Variants in ANKRD44 observed in about 807,000 individuals in gnomAD.
The protein encoded by ANKRD44 is serine/threonine-protein phosphatase 6 regulatory ankyrin repeat subunit B.
Under a neutral mutation model 116.0 loss-of-function variants are expected in ANKRD44, and 35 were observed. The ratio of observed to expected loss-of-function variants is 0.30; its 90% CI spans 0.23 to 0.40. The LOEUF is 0.40. Among genes scored for constraint, ANKRD44 ranks in the 10% least tolerant of loss-of-function variants. ANKRD44 has a pLI of 1.00. For missense variants in ANKRD44, 1,014 were observed against 1,242.6 expected, an observed-to-expected ratio of 0.82 and a Z score of 2.77; for synonymous variants, 435 against 461.8, an observed-to-expected ratio of 0.94 and a Z score of 0.74.
At chr2:197,305,648 C>G (rs961956210) in intron 1 of ANKRD44, among the ~76,000 whole-genome samples, 3 of 151,956 alleles carry the variant, frequency 2.0e-5, no homozygotes, top group African/African-American at 7.2e-5. Context: ...AAAGTTAGTT[C>G]CATTAATCCA....
intron 1 of ANKRD44, among the ~76,000 whole-genome samples, chr2:197,306,778 T>C (rs1324060118): frequency 6.6e-6 from 1 of 152,194 alleles, no homozygotes; most frequent in Non-Finnish European, 1.5e-5. Flanking sequence ...TGCCAGCCAC[T>C]GCCTTTGGCA....
chr2:197,169,413 A>G (rs1047849865), intron 2 of ANKRD44, among the ~76,000 whole-genome samples: 2 of 152,194 alleles, frequency 1.3e-5, no homozygotes, highest in African/African-American at 4.8e-5. Context: ...AATACACTGT[A>G]AACTCCTGAT....
chr2:197,213,152 C>T (rs559329899), intron 1 of ANKRD44, among the ~76,000 whole-genome samples: 8 of 152,304 alleles, frequency 5.3e-5, no homozygotes, highest in Admixed American at 1.3e-4. Context: ...CTACCTCACA[C>T]ATATAGGGGC....
intron 1 of ANKRD44, among the ~76,000 whole-genome samples, chr2:197,217,959 C>T (rs1191647573): frequency 1.3e-5 from 2 of 152,170 alleles, no homozygotes; most frequent in African/African-American, 2.4e-5. Context: ...AACATTTGTT[C>T]CCTCTGCTTC....
At chr2:197,097,385 T>G (rs952205932) in intron 10 of ANKRD44, among the ~76,000 whole-genome samples, 1 of 152,236 alleles carries the variant, frequency 6.6e-6, no homozygotes, top group African/African-American at 2.4e-5. Context: ...TAATTAACAC[T>G]GAGCATTTAT....
chr2:197,297,968 A>C (rs1301320292), intron 1 of ANKRD44, among the ~76,000 whole-genome samples: 1 of 152,236 alleles, frequency 6.6e-6, no homozygotes, highest in East Asian at 1.9e-4. Flanking sequence ...CTCAAGTCAC[A>C]GCTGGCCACT....
intron 1 of ANKRD44, among the ~76,000 whole-genome samples, chr2:197,236,124 A>G (rs530559435): frequency 1.1e-4 from 16 of 152,326 alleles, no homozygotes; most frequent in African/African-American, 3.6e-4. Context: ...AGGATCCCTC[A>G]ACCCTACTCC....
intron 1 of ANKRD44, among the ~76,000 whole-genome samples, chr2:197,225,177 G>C (rs1254378032): frequency 3.3e-5 from 5 of 152,276 alleles, no homozygotes; most frequent in African/African-American, 1.2e-4. Flanking sequence ...GGACTTATGT[G>C]GAAAGCTTTG....
At chr2:197,069,146 T>C (rs1469454805) in intron 16 of ANKRD44, among the ~76,000 whole-genome samples, 1 of 152,060 alleles carries the variant, frequency 6.6e-6, no homozygotes, top group African/African-American at 2.4e-5. Context: ...ATGTCCTTTG[T>C]AGGGACATGG....
chr2:196,997,260 T>C (rs961771206), intron 25 of ANKRD44, among the ~76,000 whole-genome samples: 1 of 151,932 alleles, frequency 6.6e-6, no homozygotes, highest in African/African-American at 2.4e-5. Context: ...ATTTGTCTAA[T>C]AATAGGAGAT....
At chr2:197,262,618 G>C (rs1302475458) in intron 1 of ANKRD44, among the ~76,000 whole-genome samples, 1 of 152,158 alleles carries the variant, frequency 6.6e-6, no homozygotes, top group Non-Finnish European at 1.5e-5. Context: ...AGTTAAGATT[G>C]ACAGGTCAGG....
In ANKRD44 at chr2:197,026,047, C is replaced by CAAACAA. The variant is rs757549809; in HGVS notation, c.1651-781_1651-780insTTGTTT. ...CAGAGAAGGGGGAGATAAAAAGAAA[C>CAAACAA]AAAAAAAAAAAAAACACCTTTCTGG... On this transcript the variant is annotated intron_variant, in intron 16 of 27. Transcript: ENST00000282272. Among the ~76,000 whole-genome samples the CAAACAA allele has an allele frequency of 1.1e-3, 144 of 130,370 alleles. 4 individuals are homozygous for CAAACAA. The South Asian group carries it at 0.015, about 14-fold the overall frequency. The allele number at this position is 130,370 out of a possible 152,430, so 85.5% of individuals were successfully genotyped here.
chr2:197,281,543 C>A (rs2083264533), intron 1 of ANKRD44, among the ~76,000 whole-genome samples: 1 of 152,160 alleles, frequency 6.6e-6, no homozygotes, highest in South Asian at 2.1e-4. Flanking sequence ...TACATCATAT[C>A]TCCTTTTTGG....
In ANKRD44 at chr2:197,285,649, T is replaced by C. The variant is rs1299822019; in HGVS notation, c.27+24929A>G. Among the ~76,000 whole-genome samples, 6 of 152,184 alleles carry C rather than the reference T, an allele frequency of 3.9e-5. No individual in the cohort carries two copies. The East Asian group carries it at 9.6e-4, about 24-fold the overall frequency. ...CTATTAACAGCCAAGTGTCACAGCC[T>C]TAAAGATTTGCACCGTTTGCTCATC... On this transcript the variant is annotated intron_variant, in intron 1 of 27. Coordinates refer to ENST00000282272, the MANE Select transcript of ANKRD44 (RefSeq NM_001195144.2).
At position 197,121,491 on chromosome 2, in the gene ANKRD44, A is replaced by C. The variant is rs150662931; in HGVS notation, c.747T>G (p.Asn249Lys). ...ACTCGTTAACCACAGCATCCTGTCC[A>C]TTGTAGCAGGCGATGTGAAGCGCTG... ...GNTALHIACY[N>K]GQDAVVNELI... Residue 249 changes from asparagine (N) to lysine (K), a missense_variant, in exon 8 of 28, where the codon AAT (asparagine) becomes AAG (lysine). Asn to Lys is a moderately conservative substitution (Grantham distance 94, BLOSUM62 0). Transcript: ENST00000282272. 6.2e-7 allele frequency: 1 copy of C among 1,614,082 alleles called. No individual in the cohort carries two copies. The highest frequency in any genetic ancestry group is 1.3e-5 in the African/African-American group (1 of 74,916).
chr2:196,973,154 T>C (rs895288032), intron 21 of ANKRD44, among the ~76,000 whole-genome samples: 4 of 152,220 alleles, frequency 2.6e-5, no homozygotes, highest in African/African-American at 7.2e-5. Context: ...AAAAATAGTA[T>C]GCCATTATCT....
intron 16 of ANKRD44, among the ~76,000 whole-genome samples, chr2:197,067,064 T>C (rs920315584): frequency 6.6e-6 from 1 of 152,298 alleles, no homozygotes; most frequent in Non-Finnish European, 1.5e-5. Context: ...CAAAACAGCA[T>C]GGTACTGGTA....
intron 16 of ANKRD44, among the ~76,000 whole-genome samples, chr2:197,062,898 C>G (rs2077347323): frequency 6.6e-6 from 1 of 152,302 alleles, no homozygotes; most frequent in East Asian, 1.9e-4. Flanking sequence ...GGGGGCAGGG[C>G]AAAGCCAAAC....
At chr2:197,013,806 T>C (rs2076339608) in intron 17 of ANKRD44, 94 bp from the exon 18 acceptor site, 26 of 1,244,850 alleles carry the variant, frequency 2.1e-5, no homozygotes, top group Non-Finnish European at 2.9e-5. Context: ...GGGCCATGGA[T>C]AGAGACCACT....
Sources: gnomAD v4.1 joint callset for allele counts (sites outside exome capture counted in the v4.1 genomes callset) on GRCh38, gnomAD v4.1.1 for gene constraint, MANE v1.5 for transcripts, NCBI Gene and HGNC (gene_info 2026-07-23, HGNC 2026-07-21) for gene names.